Variants in ZMYM4 observed in about 807,000 individuals in gnomAD.
The protein encoded by ZMYM4 is zinc finger MYM-type containing 4.
A neutral mutation model predicts 183.2 loss-of-function variants in ZMYM4; 31 were observed. That is an observed-to-expected ratio of 0.17 (90% CI 0.13 to 0.23). The LOEUF is 0.23. Among genes scored for constraint, ZMYM4 ranks in the 10% least tolerant of loss-of-function variants. The probability of loss-of-function intolerance (pLI) is 1.00; values close to 1 mark genes in which losing one functional copy is unlikely to be tolerated. For synonymous variants in ZMYM4, 592 were observed against 631.2 expected (o/e 0.94, Z 0.93); for missense variants, 1,273 against 1,840.3 (o/e 0.69, Z 5.64).
At chr1:35,335,920 T>C (rs1642955725) in intron 2 of ZMYM4, among the ~76,000 whole-genome samples, 1 of 152,160 alleles carries the variant, frequency 6.6e-6, no homozygotes, top group African/African-American at 2.4e-5. Context: ...AGAGCGAGAC[T>C]CCGTCTCAAA....
At chr1:35,365,439 C>T (rs1350762043) in intron 5 of ZMYM4, among the ~76,000 whole-genome samples, 3 of 151,836 alleles carry the variant, frequency 2.0e-5, no homozygotes, top group Non-Finnish European at 4.4e-5. Flanking sequence ...ATTTCTTTTT[C>T]TTCTTGTTCA....
chr1:35,391,364 T>G (rs1314320840), intron 15 of ZMYM4, among the ~76,000 whole-genome samples: 2 of 152,170 alleles, frequency 1.3e-5, no homozygotes, highest in Non-Finnish European at 2.9e-5. Flanking sequence ...TCTTTGTTGC[T>G]TACTTACCTT....
At chr1:35,294,742 G>C (rs1490385316) in intron 1 of ZMYM4, among the ~76,000 whole-genome samples, 1 of 152,082 alleles carries the variant, frequency 6.6e-6, no homozygotes, top group Non-Finnish European at 1.5e-5. Flanking sequence ...AGTACTGAAA[G>C]AAAATGTAGG....
At chr1:35,288,956 G>A (rs1159202948) in intron 1 of ZMYM4, among the ~76,000 whole-genome samples, 3 of 152,162 alleles carry the variant, frequency 2.0e-5, no homozygotes, top group Non-Finnish European at 4.4e-5. Context: ...TAGTACAGAA[G>A]AGATTCATTC....
chr1:35,350,859 A>T (rs1338391617), intron 2 of ZMYM4: 1 of 576,046 alleles, frequency 1.7e-6, no homozygotes, highest in Non-Finnish European at 3.1e-6. Context: ...AATACAAAAC[A>T]CACAAATACA....
intron 1 of ZMYM4, among the ~76,000 whole-genome samples, chr1:35,304,293 G>A (rs1557957134): frequency 6.6e-6 from 1 of 152,008 alleles, no homozygotes; most frequent in East Asian, 1.9e-4. Context: ...CAAAGTGCTG[G>A]GAGTACAGGC....
intron 1 of ZMYM4, among the ~76,000 whole-genome samples, chr1:35,283,025 G>A (rs1421609433): frequency 1.2e-5 from 1 of 83,832 alleles, no homozygotes; most frequent in African/African-American, 4.6e-5. Context: ...TTGAGACAGA[G>A]TGTTACTCTG....
intron 2 of ZMYM4, among the ~76,000 whole-genome samples, chr1:35,333,938 A>G (rs938884383): frequency 2.0e-5 from 3 of 151,964 alleles, no homozygotes; most frequent in African/African-American, 7.3e-5. Flanking sequence ...TTCTGCCACA[A>G]TGAACAATGA....
intron 3 of ZMYM4, among the ~76,000 whole-genome samples, chr1:35,360,429 A>G (rs1041574567): frequency 6.6e-6 from 1 of 152,102 alleles, no homozygotes; most frequent in Non-Finnish European, 1.5e-5. Context: ...TATTTCTTCT[A>G]ACAATGCTAG....
At chr1:35,305,909 T>G (rs936181078) in intron 1 of ZMYM4, among the ~76,000 whole-genome samples, 1 of 152,130 alleles carries the variant, frequency 6.6e-6, no homozygotes, top group African/African-American at 2.4e-5. Context: ...AATATCAGGG[T>G]TTTTTTATGC....
intron 1 of ZMYM4, among the ~76,000 whole-genome samples, chr1:35,282,957 A>G (rs1276847471): frequency 1.2e-5 from 1 of 81,890 alleles, no homozygotes; most frequent in Non-Finnish European, 2.7e-5. Context: ...CCTCACCAAT[A>G]CTTGTTGTTT....
intron 5 of ZMYM4, among the ~76,000 whole-genome samples, chr1:35,367,345 C>T (rs1366802956): frequency 1.3e-5 from 2 of 151,944 alleles, no homozygotes; most frequent in Non-Finnish European, 2.9e-5. Flanking sequence ...TCTCCTGCCT[C>T]AGCCTCCTGA....
At chr1:35,354,417 G>T (rs539034839) in intron 2 of ZMYM4, among the ~76,000 whole-genome samples, 1 of 152,194 alleles carries the variant, frequency 6.6e-6, no homozygotes, top group South Asian at 2.1e-4. Flanking sequence ...ATATCTGCAG[G>T]ATGAATTTGT....
At chr1:35,383,050 GGAA>G (rs1263964439) in intron 9 of ZMYM4, among the ~76,000 whole-genome samples, 1 of 152,134 alleles carries the variant, frequency 6.6e-6, no homozygotes, top group Non-Finnish European at 1.5e-5. Context: ...TTATGAAATA[GGAA>G]GAAATAGATG....
intron 1 of ZMYM4, among the ~76,000 whole-genome samples, chr1:35,282,286 T>G (rs1374886116): frequency 6.6e-6 from 1 of 152,184 alleles, no homozygotes; most frequent in Non-Finnish European, 1.5e-5. Context: ...ACAAGCAAGG[T>G]TCTACCTTTT....
chr1:35,333,371 C>G (rs1642838601), intron 2 of ZMYM4, among the ~76,000 whole-genome samples: 1 of 151,006 alleles, frequency 6.6e-6, no homozygotes, highest in Non-Finnish European at 1.5e-5. Context: ...AATTCCTGTT[C>G]CTCAGCCTCC....
Position 35,268,757 on chromosome 1 carries a change from A to C in ZMYM4, c.-290A>C, listed in dbSNP as rs952580656. Among the ~76,000 whole-genome samples, 12 of 152,338 alleles carry C rather than the reference A, an allele frequency of 7.9e-5. No individual in the cohort carries two copies. The highest frequency in any genetic ancestry group is 1.8e-4 in the Non-Finnish European group (12 of 68,028). On this transcript the variant is annotated 5_prime_UTR_variant, in exon 1 of 30. Transcript: ENST00000314607. ...CCGCAGGCGGAGGAATTTCTCTGAG[A>C]GAAAATAATCCTACTCACGGGGCCC...
intron 1 of ZMYM4, among the ~76,000 whole-genome samples, chr1:35,298,038 T>C (rs1452371398): frequency 6.6e-6 from 1 of 152,152 alleles, no homozygotes; most frequent in African/African-American, 2.4e-5. Flanking sequence ...TGCCTCTAGG[T>C]CTGAGGCAAA....
At chr1:35,288,622 T>C (rs1453338008) in intron 1 of ZMYM4, among the ~76,000 whole-genome samples, 2 of 152,152 alleles carry the variant, frequency 1.3e-5, no homozygotes, top group African/African-American at 2.4e-5. Flanking sequence ...AAACTTAGTA[T>C]AATAGGGAAT....
Sources: allele counts gnomAD v4.1 joint callset (sites outside exome capture counted in the v4.1 genomes callset), GRCh38; gene constraint gnomAD v4.1.1; transcripts MANE v1.5; gene names NCBI Gene and HGNC (gene_info 2026-07-23, HGNC 2026-07-21).